Variants in BAALC observed in about 807,000 individuals in gnomAD.
BAALC encodes BAALC binder of MAP3K1 and KLF4, also known as brain and acute leukemia cytoplasmic protein.
Under a neutral mutation model 15.5 loss-of-function variants are expected in BAALC, and 9 were observed. That is an observed-to-expected ratio of 0.58 (90% confidence interval 0.35 to 1.02). The LOEUF (loss-of-function observed/expected upper bound fraction) is 1.02. BAALC is among the 50% of genes least tolerant of loss of function. BAALC has a pLI of 0.02. For missense variants in BAALC, 201 were observed against 192.4 expected, an observed-to-expected ratio of 1.04 and a Z score of -0.27; for synonymous variants, 80 against 74.6, an observed-to-expected ratio of 1.07 and a Z score of -0.37.
At chr8:103,211,455 A>G (rs1357198614) in intron 1 of BAALC, among the ~76,000 whole-genome samples, 1 of 152,028 alleles carries the variant, frequency 6.6e-6, no homozygotes. Context: ...ACTCGTCCTC[A>G]TTTTGTGGTT....
chr8:103,213,237 C>A, intron 2 of BAALC, 152 bp downstream of exon 2: 1 of 841,036 alleles, frequency 1.2e-6, no homozygotes, highest in Admixed American at 3.0e-5. Flanking sequence ...GTAAAAATTG[C>A]TGCAAACCCC....
intron 1 of BAALC, among the ~76,000 whole-genome samples, chr8:103,149,669 T>C (rs1810943967): frequency 6.6e-6 from 1 of 152,204 alleles, no homozygotes; most frequent in African/African-American, 2.4e-5. Flanking sequence ...TTTGTTCATT[T>C]TTGTATTTAG....
intron 1 of BAALC, among the ~76,000 whole-genome samples, chr8:103,150,387 G>C (rs1810961865): frequency 6.6e-6 from 1 of 151,928 alleles, no homozygotes; most frequent in African/African-American, 2.4e-5. Flanking sequence ...GTGTGTCTGT[G>C]TGTGTGTGTG....
intron 1 of BAALC, chr8:103,197,966 C>A: frequency 1.8e-6 from 1 of 550,072 alleles, no homozygotes; most frequent in South Asian, 2.5e-5. Flanking sequence ...CAACGATGCC[C>A]AGTCTTTCCT....
chr8:103,183,153 A>G (rs370650532), intron 1 of BAALC, among the ~76,000 whole-genome samples: 35 of 152,286 alleles, frequency 2.3e-4, no homozygotes, highest in African/African-American at 8.2e-4. Context: ...GGGAGCTGGG[A>G]GAGCCAGGAT....
At chr8:103,189,297 A>C (rs1454420803) in intron 1 of BAALC, among the ~76,000 whole-genome samples, 5 of 152,254 alleles carry the variant, frequency 3.3e-5, no homozygotes, top group Admixed American at 3.3e-4. Flanking sequence ...ATTATAATTT[A>C]ACAGTGTAAC....
chr8:103,207,334 A>G (rs1319473146), intron 1 of BAALC, among the ~76,000 whole-genome samples: 1 of 152,254 alleles, frequency 6.6e-6, no homozygotes, highest in Non-Finnish European at 1.5e-5. Flanking sequence ...TAAATCTCAA[A>G]GAAGTGGCTT....
chr8:103,171,340 AAG>A (rs1563642180), intron 1 of BAALC, among the ~76,000 whole-genome samples: 2 of 149,494 alleles, frequency 1.3e-5, no homozygotes, highest in Non-Finnish European at 3.0e-5. Flanking sequence ...AGAAAGAAGG[AAG>A]GAGGAAAGAG....
chr8:103,223,520 G>T (rs1248718108), intron 2 of BAALC, among the ~76,000 whole-genome samples: 4 of 152,186 alleles, frequency 2.6e-5, no homozygotes, highest in South Asian at 2.1e-4. Flanking sequence ...GCAAAGGCTT[G>T]CTCCATGTCC....
At chr8:103,144,875 G>A (rs1263712399) in intron 1 of BAALC, among the ~76,000 whole-genome samples, 1 of 152,122 alleles carries the variant, frequency 6.6e-6, no homozygotes. Context: ...ACTTACTGGG[G>A]CCTGGTGCTT....
At chr8:103,168,549 A>G (rs914077662) in intron 1 of BAALC, among the ~76,000 whole-genome samples, 2 of 151,696 alleles carry the variant, frequency 1.3e-5, no homozygotes, top group African/African-American at 4.8e-5. Context: ...ACTAATTCAC[A>G]TCAAACCCTC....
intron 1 of BAALC, among the ~76,000 whole-genome samples, chr8:103,150,187 G>C (rs1586372783): frequency 6.6e-6 from 1 of 152,196 alleles, no homozygotes; most frequent in East Asian, 1.9e-4. Context: ...ACTATTATGA[G>C]AACAGCATGG....
intron 1 of BAALC, chr8:103,200,628 T>A: frequency 1.5e-6 from 1 of 667,268 alleles, no homozygotes. Flanking sequence ...ACTGGATAAT[T>A]TATAAGTAAC....
intron 1 of BAALC, among the ~76,000 whole-genome samples, chr8:103,180,748 AAGG>A (rs1396762144): frequency 6.6e-6 from 1 of 152,208 alleles, no homozygotes; most frequent in Non-Finnish European, 1.5e-5. Context: ...CCTTTCAGGC[AAGG>A]AGGAGAACAA....
chr8:103,150,065 A>G (rs1433236813), intron 1 of BAALC, among the ~76,000 whole-genome samples: 1 of 152,218 alleles, frequency 6.6e-6, no homozygotes, highest in African/African-American at 2.4e-5. Flanking sequence ...GGGAGGCCTC[A>G]CAATTATGAT....
intron 1 of BAALC, among the ~76,000 whole-genome samples, chr8:103,177,601 T>C (rs538696009): frequency 6.6e-6 from 1 of 152,302 alleles, no homozygotes; most frequent in African/African-American, 2.4e-5. Flanking sequence ...CATTTCCATT[T>C]CTCACAAAAT....
At chr8:103,192,695 C>A (rs1194970714) in intron 1 of BAALC, among the ~76,000 whole-genome samples, 1 of 152,188 alleles carries the variant, frequency 6.6e-6, no homozygotes, top group Non-Finnish European at 1.5e-5. Context: ...GGAGGCAGCA[C>A]CCCCAAGGCA....
chr8:103,184,409 A>G (rs1811790000), intron 1 of BAALC, among the ~76,000 whole-genome samples: 1 of 152,192 alleles, frequency 6.6e-6, no homozygotes, highest in Non-Finnish European at 1.5e-5. Context: ...GCTTCAGGGG[A>G]TGAGATCTGC....
Position 103,170,005 on chromosome 8 carries a change from T to G in BAALC, c.160+28948T>G, listed in dbSNP as rs139505627. On this transcript the variant is annotated intron_variant, in intron 1 of 2. Coordinates refer to ENST00000309982, the MANE Select transcript of BAALC (RefSeq NM_024812.3). ...AAACACGTTGTACTCAAGTTTCCTT[T>G]TTTTCCCCTTAGGATTCAGATTTCT... Among the ~76,000 whole-genome samples, 599 of 152,292 alleles carry G rather than the reference T, an allele frequency of 3.9e-3. 1 individual carries two copies. Among genetic ancestry groups the G allele is most frequent in the African/African-American group, 0.012 (514 of 41,554 alleles).
Sources: gnomAD v4.1 joint callset for allele counts (sites outside exome capture counted in the v4.1 genomes callset) on GRCh38, gnomAD v4.1.1 for gene constraint, MANE v1.5 for transcripts, NCBI Gene and HGNC (gene_info 2026-07-23, HGNC 2026-07-21) for gene names.